TXNRD1: variants seen among roughly 807,000 people sequenced by gnomAD.
The protein encoded by TXNRD1 is thioredoxin reductase 1, cytoplasmic.
Under a neutral mutation model 80.3 loss-of-function variants are expected in TXNRD1, and 57 were observed. The observed-to-expected ratio is 0.71, with a 90% CI of 0.57 to 0.89. The LOEUF is 0.89. Among genes scored for constraint, TXNRD1 ranks in the 40% least tolerant of loss-of-function variants. The pLI, the probability that TXNRD1 is intolerant of heterozygous loss-of-function variation, is 0.00. For missense variants in TXNRD1, 730 were observed against 803.0 expected, an observed-to-expected ratio of 0.91 and a Z score of 1.10; for synonymous variants, 291 against 285.2, an observed-to-expected ratio of 1.02 and a Z score of -0.20.
chr12:104,319,076 C>G (rs2035432582), intron 8 of TXNRD1, 21 bp downstream of exon 8: 1 of 1,571,304 alleles, frequency 6.4e-7, no homozygotes, highest in African/African-American at 1.4e-5. Context: ...GACATCCTGA[C>G]TAGCTTTTTT....
At chr12:104,303,188 C>T (rs1448589070) in intron 4 of TXNRD1, among the ~76,000 whole-genome samples, 1 of 152,136 alleles carries the variant, frequency 6.6e-6, no homozygotes, top group East Asian at 1.9e-4. Flanking sequence ...TGGAGGCTCC[C>T]CCGATCCCAC....
At chr12:104,239,894 G>A (rs1291871029) in intron 1 of TXNRD1, among the ~76,000 whole-genome samples, 11 of 152,112 alleles carry the variant, frequency 7.2e-5, no homozygotes, top group Non-Finnish European at 1.0e-4. Context: ...CTGTTAATAT[G>A]AGCAGTCTAA....
At chr12:104,236,579 C>T (rs564161243) in intron 1 of TXNRD1, among the ~76,000 whole-genome samples, 6 of 152,192 alleles carry the variant, frequency 3.9e-5, no homozygotes, top group East Asian at 1.9e-4. Context: ...CACCTGAGGT[C>T]GGGAGTTTGA....
At chr12:104,223,085 TTTC>T (rs1424441654) in intron 1 of TXNRD1, among the ~76,000 whole-genome samples, 1 of 152,194 alleles carries the variant, frequency 6.6e-6, no homozygotes, top group African/African-American at 2.4e-5. Context: ...TTTGGACATT[TTTC>T]TTAAGATTGT....
chr12:104,334,258 C>A lies in TXNRD1; in HGVS notation c.1672C>A (p.Pro558Thr). 1 of 1,525,114 alleles carries A rather than the reference C, an allele frequency of 6.6e-7. No homozygotes were observed. Among genetic ancestry groups the A allele is most frequent in the South Asian group, 1.3e-5 (1 of 78,502 alleles). 94.5% of individuals were successfully genotyped at this position (1,525,114 alleles called of 1,614,324 possible). The change falls in exon 15 of 17, where the codon CCA becomes ACA. Residue 558 changes from proline (P) to threonine (T), a missense_variant. Transcript: ENST00000525566. The stretch of plus-strand genomic sequence containing the variant: ...TTAGGTTTACCATAGTTACTTTTGG[C>A]CATTGGAATGGACGATTCCGTCAAG... ...NIEVYHSYFW[P>T]LEWTIPSRDN... is the part of the protein sequence containing the mutation.
Position 104,339,269 on chromosome 12 carries a change from C to T in TXNRD1, c.1877C>T (p.Ala626Val). ...DSTIGIHPVCAEVFTTLSVTK... is the reference protein window; with the variant it reads ...DSTIGIHPVCVEVFTTLSVTK... Reference sequence around the variant, plus strand: ...ACAATTGGAATCCACCCTGTCTGTGCAGAGGTGGGTCATCTACACTTATAC... The same window carrying T: ...ACAATTGGAATCCACCCTGTCTGTGTAGAGGTGGGTCATCTACACTTATAC... Residue 626 changes from alanine (A) to valine (V), a missense_variant, in exon 16 of 17, where the codon GCA becomes GTA. Physicochemically the swap from Ala to Val is moderately conservative, Grantham distance 64. Coordinates refer to ENST00000525566, the MANE Select transcript of TXNRD1 (RefSeq NM_001093771.3). The T allele has an allele frequency of 6.2e-7, 1 of 1,613,792 alleles. No individual in the cohort carries two copies. Among genetic ancestry groups the T allele is most frequent in the Non-Finnish European group, 8.5e-7 (1 of 1,179,806 alleles).
chr12:104,228,648 G>T (rs180847895), intron 1 of TXNRD1, among the ~76,000 whole-genome samples: 6 of 152,106 alleles, frequency 3.9e-5, no homozygotes, highest in African/African-American at 1.4e-4. Context: ...AAGTGGGGGC[G>T]GCAGGGGAAT....
At position 104,328,152 on chromosome 12, in the gene TXNRD1, G is replaced by A. The variant is rs963827513; in HGVS notation, c.1542+481G>A. Among the ~76,000 whole-genome samples the A allele has an allele frequency of 3.4e-5, 5 of 147,334 alleles. No homozygotes were observed. The South Asian group carries it at 6.4e-4, about 19-fold the overall frequency. ...TCTACTCCTGCCATGGCTACAGAGC[G>A]AGACTCCATCTAAAAAAAAAAATTA... On this transcript the variant is annotated intron_variant, in intron 13 of 16. Coordinates refer to ENST00000525566, the MANE Select transcript of TXNRD1 (RefSeq NM_001093771.3).
rs1182235260 is a variant in TXNRD1, at chr12:104,336,513, A to G, written c.1746+2181A>G. Among the ~76,000 whole-genome samples, 3 of 152,182 alleles carry G rather than the reference A, an allele frequency of 2.0e-5. No individual in the cohort carries two copies. The East Asian group carries it at 5.8e-4, about 29-fold the overall frequency. ...AGTGTCTAAATGTCCTTGATTCTAA[A>G]TTGTACTTACAATGTTTATTATCTG... On this transcript the variant is annotated intron_variant, in intron 15 of 16. Transcript: ENST00000525566.
In TXNRD1 at chr12:104,289,054, A is replaced by T; in HGVS notation, c.414+14A>T. The T allele has an allele frequency of 6.2e-7, 1 of 1,607,016 alleles. No individual in the cohort carries two copies. Among genetic ancestry groups the T allele is most frequent in the Non-Finnish European group, 8.5e-7 (1 of 1,174,618 alleles). ...CCAACCTTGAAGGTAGGAGAGAGTAACGTATCTTTTTAAACGGGGGATGAG... is the reference window on the plus strand; with the variant it reads ...CCAACCTTGAAGGTAGGAGAGAGTATCGTATCTTTTTAAACGGGGGATGAG... On this transcript the variant is annotated intron_variant, in intron 4 of 16. Transcript: ENST00000525566.
chr12:104,228,526 G>A (rs1329447348), intron 1 of TXNRD1, among the ~76,000 whole-genome samples: 1 of 152,074 alleles, frequency 6.6e-6, no homozygotes, highest in African/African-American at 2.4e-5. Flanking sequence ...AGCTACTTGG[G>A]AGGCTGAGGC....
intron 4 of TXNRD1, chr12:104,304,024 C>T: frequency 6.2e-7 from 1 of 1,612,758 alleles, no homozygotes; most frequent in South Asian, 1.1e-5. Context: ...TCCTGGAGCT[C>T]ACCGCTGACG....
chr12:104,303,756 G>A, intron 4 of TXNRD1: 2 of 1,091,186 alleles, frequency 1.8e-6, no homozygotes, highest in East Asian at 2.8e-5. Context: ...GGCGTCCTCG[G>A]CTCTAACTGC....
At chr12:104,346,736 A>G (rs941939306) in intron 16 of TXNRD1, among the ~76,000 whole-genome samples, 2 of 152,164 alleles carry the variant, frequency 1.3e-5, no homozygotes, top group Non-Finnish European at 2.9e-5. Context: ...AGCATTGCAT[A>G]TAAGAGTGCT....
chr12:104,330,817 A>G (rs1593858568), intron 13 of TXNRD1, among the ~76,000 whole-genome samples: 1 of 151,890 alleles, frequency 6.6e-6, no homozygotes, highest in Admixed American at 6.6e-5. Flanking sequence ...CGAACTCCTG[A>G]CCTCAGGTGA....
chr12:104,278,798 G>A (rs1427233070), intron 3 of TXNRD1, among the ~76,000 whole-genome samples: 2 of 152,188 alleles, frequency 1.3e-5, no homozygotes, highest in African/African-American at 4.8e-5. Context: ...ACCGCACCCA[G>A]CCTCTGATCA....
intron 1 of TXNRD1, among the ~76,000 whole-genome samples, chr12:104,237,007 A>T (rs937954952): frequency 6.6e-6 from 1 of 152,018 alleles, no homozygotes; most frequent in Non-Finnish European, 1.5e-5. Context: ...GCTGGAGAAA[A>T]ACAGAGGAGG....
In TXNRD1 at chr12:104,258,091, T is replaced by C. The variant is rs1373805476; in HGVS notation, c.304+12T>C. ...ACTTGATCAAACAGGTAAGTTTCTG[T>C]TTAATATGTAAATCATAGCTGCTGA... On this transcript the variant is annotated intron_variant, in intron 3 of 16. Coordinates refer to ENST00000525566, the MANE Select transcript of TXNRD1 (RefSeq NM_001093771.3). The C allele has an allele frequency of 1.5e-5, 23 of 1,530,158 alleles. No individual in the cohort carries two copies. Among genetic ancestry groups the C allele is most frequent in the Non-Finnish European group, 2.0e-5 (23 of 1,128,010 alleles). 94.8% of individuals were successfully genotyped at this position (1,530,158 alleles called of 1,614,324 possible).
intron 3 of TXNRD1, among the ~76,000 whole-genome samples, chr12:104,276,872 C>G (rs962655114): frequency 7.2e-5 from 11 of 152,174 alleles, no homozygotes; most frequent in Admixed American, 5.2e-4. Context: ...TGTAAAGTTC[C>G]TGGCACAGAG....
Sources: allele counts gnomAD v4.1 joint callset (sites outside exome capture counted in the v4.1 genomes callset), GRCh38; gene constraint gnomAD v4.1.1; transcripts MANE v1.5; gene names NCBI Gene and HGNC (gene_info 2026-07-23, HGNC 2026-07-21).